NOM1: variants seen among roughly 807,000 people sequenced by gnomAD.
NOM1 encodes the protein nucleolar protein with MIF4G domain 1.
In NOM1, 58 loss-of-function variants were observed where a neutral mutation model predicts 73.3. That is an observed-to-expected ratio of 0.79 (90% confidence interval 0.64 to 0.99). The LOEUF is 0.99. NOM1 is among the 50% of genes least tolerant of loss of function. The probability of loss-of-function intolerance (pLI) is 0.00; values close to 1 mark genes in which losing one functional copy is unlikely to be tolerated. For missense variants in NOM1, 1,226 were observed against 1,131.9 expected (o/e 1.08, Z -1.19); for synonymous variants, 487 against 446.8 (o/e 1.09, Z -1.14).
At chr7:156,968,915 C>T (rs1267036533) in intron 9 of NOM1, 172 bp from the exon 10 acceptor site, 2 of 557,850 alleles carry the variant, frequency 3.6e-6, no homozygotes, top group African/African-American at 1.9e-5. Flanking sequence ...TCCCAAGGCC[C>T]ACATCCTTGC....
rs1805171823 is a variant in NOM1, at chr7:156,972,849, A to G, written c.*3146A>G. On this transcript the variant is annotated 3_prime_UTR_variant, in exon 11 of 11. Transcript: ENST00000275820. ...TCAAAAGCAGAAACAAAAACCCAAC[A>G]TATATGGGCTGTTAGATAGTAATTG... The G allele has an allele frequency of 6.6e-6, 1 of 152,212 alleles. No homozygotes were observed. Among genetic ancestry groups the G allele is most frequent in the South Asian group, 2.1e-4 (1 of 4,836 alleles). The allele number at this position is 152,212 out of a possible 1,614,324, so 9.4% of individuals were successfully genotyped here.
intron 7 of NOM1, 54 bp downstream of exon 7, chr7:156,964,080 A>T: frequency 1.3e-6 from 2 of 1,579,184 alleles, no homozygotes; most frequent in South Asian, 2.3e-5. Flanking sequence ...TAAAATAAGT[A>T]AGTTGATTTG....
rs138859538 is a variant in NOM1 at position 156,972,042 on chromosome 7, T to C, written c.*2339T>C. The C allele has an allele frequency of 4.6e-5, 7 of 152,356 alleles. 1 individual carries two copies. Among genetic ancestry groups the C allele is most frequent in the Non-Finnish European group, 1.0e-4 (7 of 68,042 alleles). 9.4% of individuals were successfully genotyped at this position (152,356 alleles called of 1,614,324 possible). On this transcript the variant is annotated 3_prime_UTR_variant, in exon 11 of 11. Coordinates refer to ENST00000275820, the MANE Select transcript of NOM1 (RefSeq NM_138400.2). Reference sequence around the variant, plus strand: ...CAGTTCTACTGGACTTGTAGCTTGATAGTGAAATAAGGAGCTTGGGCTAAG... The same window carrying C: ...CAGTTCTACTGGACTTGTAGCTTGACAGTGAAATAAGGAGCTTGGGCTAAG...
rs758189629 is a variant in NOM1 at position 156,969,138 on chromosome 7, G to A, written c.2350G>A (p.Val784Ile). The change falls in exon 10 of 11, where the codon GTA (valine) becomes ATA (isoleucine). Residue 784 changes from valine to isoleucine, a missense_variant. Physicochemically the swap from Val to Ile is conservative, Grantham distance 29 (BLOSUM62 3). Transcript: ENST00000275820. ...ACCCAGAGTCCGTTTTTTACGAAAAGTATTAAGTATCCTATTAATGGAAAC... is the reference window on the plus strand; with the variant it reads ...ACCCAGAGTCCGTTTTTTACGAAAAATATTAAGTATCCTATTAATGGAAAC... ...DKPRVRFLRK[V>I]LSILLMETEV... 2.5e-6 allele frequency: 4 copies of A among 1,601,292 alleles called. No homozygotes were observed. In the African/African-American group the frequency reaches 5.4e-5, roughly 21 times the overall value.
At chr7:156,959,347 C>A (rs555770867) in intron 3 of NOM1, among the ~76,000 whole-genome samples, 1 of 143,142 alleles carries the variant, frequency 7.0e-6, no homozygotes, top group Non-Finnish European at 1.6e-5. Flanking sequence ...TGTGATCCAC[C>A]CACCTCAGCC....
chr7:156,960,542 G>A (rs987904977), intron 4 of NOM1, among the ~76,000 whole-genome samples: 1 of 152,170 alleles, frequency 6.6e-6, no homozygotes, highest in African/African-American at 2.4e-5. Flanking sequence ...ACTGATCACA[G>A]CTCCCACATT....
At chr7:156,966,052 C>A in intron 7 of NOM1, 1 of 579,134 alleles carries the variant, frequency 1.7e-6, no homozygotes, top group Non-Finnish European at 3.0e-6. Context: ...ATGGTCTTGT[C>A]TCCTCTGACA....
Position 156,960,194 on chromosome 7 carries a change from TCTG to T in NOM1, c.1632+23_1632+25del. ...ACCAGGGTACGCGTGCGACGCTTGA[TCTG>T]CTTCCTAAGTCCCTAAAGCTCACAA... On this transcript the variant is annotated intron_variant, in intron 4 of 10. Transcript: ENST00000275820. The T allele has an allele frequency of 6.3e-7, 1 of 1,592,464 alleles. No individual in the cohort carries two copies.
rs978834164 is a variant in NOM1 at position 156,950,107 on chromosome 7, C to T, written c.370C>T (p.Gln124Ter). 1.9e-6 allele frequency: 3 copies of T among 1,551,788 alleles called. No homozygotes were observed. The African/African-American group carries it at 4.1e-5, about 21-fold the overall frequency. ...SGAEEASGHR[Q>*]DTEERARPAP... is the part of the protein sequence containing the mutation. ...AGCCGAAGAAGCCAGCGGTCACCGGCAGGACACGGAGGAGCGCGCCCGCCC... is the reference window on the plus strand; with the variant it reads ...AGCCGAAGAAGCCAGCGGTCACCGGTAGGACACGGAGGAGCGCGCCCGCCC... Residue 124 changes from glutamine (Q) to a stop codon, truncating the protein, a stop_gained, in exon 1 of 11, where the codon CAG (glutamine) becomes TAG (stop). Transcript: ENST00000275820. LOFTEE classifies it high-confidence loss of function.
intron 3 of NOM1, among the ~76,000 whole-genome samples, chr7:156,956,460 A>T (rs1804729885): frequency 6.6e-6 from 1 of 152,222 alleles, no homozygotes; most frequent in Admixed American, 6.5e-5. Context: ...TTATTTATGT[A>T]CAGAAGGAGA....
intron 6 of NOM1, chr7:156,963,584 G>C: frequency 2.8e-6 from 1 of 363,564 alleles, no homozygotes; most frequent in Non-Finnish European, 5.1e-6. Flanking sequence ...GTCCTTCCCT[G>C]TCCCAGATTC....
chr7:156,965,099 C>T (rs917214446), intron 7 of NOM1, among the ~76,000 whole-genome samples: 49 of 152,184 alleles, frequency 3.2e-4, no homozygotes, highest in African/African-American at 1.1e-3. Flanking sequence ...TTCTTTGGGC[C>T]GCCTTCGCCG....
At position 156,969,736 on chromosome 7, in the gene NOM1, A is replaced by T. The variant is rs1478956874; in HGVS notation, c.*33A>T. On this transcript the variant is annotated 3_prime_UTR_variant, in exon 11 of 11. Coordinates refer to ENST00000275820, the MANE Select transcript of NOM1 (RefSeq NM_138400.2). The stretch of plus-strand genomic sequence containing the variant: ...AGGAAGGAGGGCAGGTGGCCCTTTG[A>T]CTGTAAAATGTCCTTGGTAAACCCA... 6.3e-7 allele frequency: 1 copy of T among 1,578,638 alleles called. No individual in the cohort carries two copies. The highest frequency in any genetic ancestry group is 1.1e-5 in the South Asian group (1 of 88,724).
intron 6 of NOM1, 196 bp downstream of exon 6, chr7:156,963,371 T>C: frequency 1.6e-6 from 1 of 641,868 alleles, no homozygotes; most frequent in Non-Finnish European, 2.7e-6. Flanking sequence ...TGTATCTTTT[T>C]ATTGGACTTT....
In NOM1 at chr7:156,962,199, C is replaced by A. The variant is rs200248456; in HGVS notation, c.1681C>A (p.Arg561Ser). 6.2e-7 allele frequency: 1 copy of A among 1,614,062 alleles called. No individual in the cohort carries two copies. The highest frequency in any genetic ancestry group is 1.7e-5 in the Admixed American group (1 of 60,012). Residue 561 changes from arginine (R) to serine (S), a missense_variant, in exon 5 of 11, where the codon CGC (arginine) becomes AGC (serine). Arg to Ser is a moderately radical substitution (Grantham distance 110). Coordinates refer to ENST00000275820, the MANE Select transcript of NOM1 (RefSeq NM_138400.2). ...TMLALKNNDMRKIPGYDPEPV... is the reference protein window; with the variant it reads ...TMLALKNNDMSKIPGYDPEPV... ...GTTGGCCCTGAAGAACAATGACATG[C>A]GCAAAATTCCAGGCTATGACCCCGA...
intron 8 of NOM1, 116 bp downstream of exon 8, chr7:156,966,518 G>C: frequency 8.1e-7 from 1 of 1,232,510 alleles, no homozygotes; most frequent in East Asian, 2.3e-5. Flanking sequence ...TGATATCCCC[G>C]TCACCTGGTC....
chr7:156,959,531 C>T (rs771115845), intron 3 of NOM1, among the ~76,000 whole-genome samples: 4 of 152,150 alleles, frequency 2.6e-5, no homozygotes, highest in East Asian at 1.9e-4. Context: ...TGTGAGCCAC[C>T]GCACCTGGCC....
chr7:156,961,338 C>T (rs538438817), intron 4 of NOM1, among the ~76,000 whole-genome samples: 20 of 152,184 alleles, frequency 1.3e-4, no homozygotes, highest in African/African-American at 4.1e-4. Context: ...ATTGTGACGG[C>T]GGTCCTGACT....
rs991607044 is a variant in NOM1 at position 156,971,511 on chromosome 7, C to T, written c.*1808C>T. ...AAGCGGTCCTTTTGCCTCAGCCTCG[C>T]GGATAGCTAGGACCACAAGCAGTAG... is the stretch of plus-strand genomic sequence containing the variant. On this transcript the variant is annotated 3_prime_UTR_variant, in exon 11 of 11. Coordinates refer to ENST00000275820, the MANE Select transcript of NOM1 (RefSeq NM_138400.2). The T allele has an allele frequency of 3.3e-5, 5 of 152,214 alleles. No homozygotes were observed. The highest frequency in any genetic ancestry group is 1.9e-4 in the East Asian group (1 of 5,206). The allele number at this position is 152,214 out of a possible 1,614,324, so 9.4% of individuals were successfully genotyped here. A position where few individuals can be genotyped will look rare whatever the true frequency, so the allele number is the denominator to read the frequency against.
Sources: gnomAD v4.1 joint callset for allele counts (sites outside exome capture counted in the v4.1 genomes callset) on GRCh38, gnomAD v4.1.1 for gene constraint, MANE v1.5 for transcripts, NCBI Gene and HGNC (gene_info 2026-07-23, HGNC 2026-07-21) for gene names.